Variants in DEPDC5 observed in about 807,000 individuals in gnomAD.
DEPDC5 encodes GATOR1 complex protein DEPDC5.
DEPDC5 carries 73 observed loss-of-function variants against 217.3 expected under a neutral mutation model. That is an observed-to-expected ratio of 0.34 (90% CI 0.28 to 0.41). DEPDC5 has a LOEUF of 0.41. Ranked by LOEUF, DEPDC5 falls within the 10% of genes least tolerant of loss-of-function variation. DEPDC5 has a pLI of 1.00. For synonymous variants in DEPDC5, 733 were observed against 756.7 expected, an observed-to-expected ratio of 0.97 and a Z score of 0.51; for missense variants, 1,675 against 2,070.1, an observed-to-expected ratio of 0.81 and a Z score of 3.70.
chr22:31,897,239 G>T (rs1018827498), intron 39 of DEPDC5, among the ~76,000 whole-genome samples: 3 of 152,228 alleles, frequency 2.0e-5, no homozygotes, highest in Non-Finnish European at 4.4e-5. Flanking sequence ...AACACCGAAG[G>T]TGCAGAAGTT....
In DEPDC5 at chr22:31,879,608, G is replaced by T. The variant is rs1394168334; in HGVS notation, c.3889G>T (p.Ala1297Ser). ...CTTCCAGCGCAAGTGGTTTGAGGTGGCCTTTGTGGCAGAAGAGCTCGTGCA... is the reference window on the plus strand; with the variant it reads ...CTTCCAGCGCAAGTGGTTTGAGGTGTCCTTTGTGGCAGAAGAGCTCGTGCA... ...ASFQRKWFEVAFVAEELVHSE... is the reference protein window; with the variant it reads ...ASFQRKWFEVSFVAEELVHSE... Residue 1297 changes from alanine to serine, a missense_variant, in exon 38 of 43, where the codon GCC (alanine) becomes TCC (serine). Around this residue, in one of 11 missense-constraint regions of DEPDC5, gnomAD observed 194 missense variants for 199.3 expected, o/e 0.97. Coordinates refer to ENST00000651528, the MANE Select transcript of DEPDC5 (RefSeq NM_001242896.3). 1 of 1,613,928 alleles carries T rather than the reference G, an allele frequency of 6.2e-7. No individual in the cohort carries two copies. Among genetic ancestry groups the T allele is most frequent in the Non-Finnish European group, 8.5e-7 (1 of 1,180,036 alleles).
chr22:31,771,615 G>A (rs1450082517), intron 7 of DEPDC5, among the ~76,000 whole-genome samples: 1 of 151,850 alleles, frequency 6.6e-6, no homozygotes, highest in Non-Finnish European at 1.5e-5. Flanking sequence ...AGCTACTCGG[G>A]AGGCTGAGGC....
intron 24 of DEPDC5, among the ~76,000 whole-genome samples, chr22:31,831,897 C>T (rs938931878): frequency 6.6e-6 from 1 of 152,218 alleles, no homozygotes; most frequent in Non-Finnish European, 1.5e-5. Context: ...TCCATCACCA[C>T]CCAAAATTCC....
At chr22:31,878,185 CAA>C (rs112151571) in intron 37 of DEPDC5, among the ~76,000 whole-genome samples, 13 of 125,308 alleles carry the variant, frequency 1.0e-4, no homozygotes, top group Non-Finnish European at 8.6e-5. Flanking sequence ...GACTCCATCT[CAA>C]AAAAAAAAAA....
At chr22:31,800,987 C>CTTTTT (rs772458096) in intron 14 of DEPDC5, among the ~76,000 whole-genome samples, 1 of 141,160 alleles carries the variant, frequency 7.1e-6, no homozygotes, top group Non-Finnish European at 1.6e-5. Flanking sequence ...AAAAAAAATT[C>CTTTTT]TTTTTTTTTT....
intron 25 of DEPDC5, among the ~76,000 whole-genome samples, chr22:31,836,278 A>T (rs1384450946): frequency 1.3e-5 from 2 of 152,200 alleles, no homozygotes; most frequent in African/African-American, 4.8e-5. Flanking sequence ...ACAAAGAATT[A>T]TCTGGTTCAA....
At chr22:31,818,097 TAC>T (rs1472727707) in intron 21 of DEPDC5, among the ~76,000 whole-genome samples, 1 of 152,114 alleles carries the variant, frequency 6.6e-6, no homozygotes, top group Non-Finnish European at 1.5e-5. Context: ...GAACATGGAA[TAC>T]ACACAAGAAG....
intron 31 of DEPDC5, among the ~76,000 whole-genome samples, chr22:31,850,842 G>A (rs571668767): frequency 6.6e-6 from 1 of 152,254 alleles, no homozygotes; most frequent in African/African-American, 2.4e-5. Flanking sequence ...AGGCTGAGGC[G>A]GGTGGAACAC....
At chr22:31,781,211 G>A (rs367648753) in intron 8 of DEPDC5, among the ~76,000 whole-genome samples, 3 of 145,202 alleles carry the variant, frequency 2.1e-5, no homozygotes, top group Admixed American at 6.8e-5. Context: ...AGCGAAACTC[G>A]GTCTCAAAAA....
intron 21 of DEPDC5, among the ~76,000 whole-genome samples, chr22:31,818,051 G>C (rs1362733743): frequency 6.6e-6 from 1 of 152,094 alleles, no homozygotes; most frequent in African/African-American, 2.4e-5. Context: ...GTTTGCATCT[G>C]CTGGACCCAC....
chr22:31,777,427 ATTTTT>A (rs35822414), intron 7 of DEPDC5, among the ~76,000 whole-genome samples: 1 of 144,236 alleles, frequency 6.9e-6, no homozygotes, highest in Non-Finnish European at 1.5e-5. Context: ...CGCCCAGCTA[ATTTTT>A]TTTTTTTTTA....
intron 31 of DEPDC5, among the ~76,000 whole-genome samples, chr22:31,851,910 G>C (rs1456661176): frequency 6.6e-6 from 1 of 152,170 alleles, no homozygotes; most frequent in African/African-American, 2.4e-5. Context: ...TCTATTACAG[G>C]CCAGGCGTGG....
At chr22:31,790,735 CTTTTTTTTTTTCTTT>C (rs1293351852) in intron 10 of DEPDC5, among the ~76,000 whole-genome samples, 10 of 143,940 alleles carry the variant, frequency 6.9e-5, no homozygotes, top group African/African-American at 2.5e-4. Flanking sequence ...CCCTATCTCT[CTTTTTTTTTTTCTTT>C]TTTTTTTTTT....
intron 27 of DEPDC5, among the ~76,000 whole-genome samples, chr22:31,840,895 T>C (rs1446446475): frequency 6.6e-6 from 1 of 152,202 alleles, no homozygotes; most frequent in Non-Finnish European, 1.5e-5. Context: ...CAGAGTCAGA[T>C]GTTAAACTAA....
intron 34 of DEPDC5, among the ~76,000 whole-genome samples, chr22:31,871,038 C>G (rs1472089911): frequency 1.3e-5 from 2 of 152,228 alleles, no homozygotes; most frequent in African/African-American, 4.8e-5. Flanking sequence ...GTCTTGTTCA[C>G]TGTGGTGCCT....
rs758809830 is a variant in DEPDC5 at position 31,814,997 on chromosome 22, T to C, written c.1451T>C (p.Val484Ala). The C allele has an allele frequency of 2.5e-6, 4 of 1,614,008 alleles. No individual in the cohort carries two copies. Among genetic ancestry groups the C allele is most frequent in the Non-Finnish European group, 3.4e-6 (4 of 1,179,930 alleles). ...RAQCLTTCRS[V>A]RERESHSRKS... ...TTTTGTCTCTTGCCTGGCAGATCTG[T>C]GCGAGAGCGAGAGAGTCACAGTCGA... The change falls in exon 21 of 43, where the codon GTG becomes GCG. Residue 484 changes from valine to alanine, a missense_variant. By Grantham distance (64) the Val-to-Ala change is moderately conservative. This residue lies in a region of DEPDC5 where 628 missense variants were observed against 762.1 expected (regional missense o/e 0.82). Coordinates refer to ENST00000651528, the MANE Select transcript of DEPDC5 (RefSeq NM_001242896.3).
intron 26 of DEPDC5, 63 bp downstream of exon 26, chr22:31,837,218 TGCATCAGAAC>T (rs1293581753): frequency 6.4e-6 from 10 of 1,558,824 alleles, no homozygotes; most frequent in African/African-American, 5.4e-5. Context: ...ATCCCACACA[TGCATCAGAAC>T]ACTGGATTTG....
At chr22:31,843,372 C>T (rs1284007169) in intron 28 of DEPDC5, among the ~76,000 whole-genome samples, 160 bp downstream of exon 28, 1 of 152,122 alleles carries the variant, frequency 6.6e-6, no homozygotes, top group Non-Finnish European at 1.5e-5. Context: ...AGGGTTATAG[C>T]TTACCTACTT....
At chr22:31,851,058 C>G (rs2091999694) in intron 31 of DEPDC5, among the ~76,000 whole-genome samples, 1 of 130,816 alleles carries the variant, frequency 7.6e-6, no homozygotes, top group South Asian at 2.6e-4. Flanking sequence ...CAGAGCGAGA[C>G]TCCGTCTCAA....
Sources: allele counts gnomAD v4.1 joint callset (sites outside exome capture counted in the v4.1 genomes callset), GRCh38; gene constraint gnomAD v4.1.1; regional missense constraint gnomAD v4.1.1; transcripts MANE v1.5; gene names NCBI Gene and HGNC (gene_info 2026-07-23, HGNC 2026-07-21).